GLIS1: variants seen among roughly 807,000 people sequenced by gnomAD.
GLIS1 encodes zinc finger protein GLIS1.
GLIS1 carries 24 observed loss-of-function variants against 63.8 expected under a neutral mutation model. The observed-to-expected ratio is 0.38, with a 90% CI of 0.27 to 0.53. The LOEUF is 0.53. Among genes scored for constraint, GLIS1 ranks in the 20% least tolerant of loss-of-function variants. GLIS1 has a pLI of 0.85. For missense variants in GLIS1, 1,036 were observed against 1,074.1 expected (o/e 0.96, Z 0.50); for synonymous variants, 450 against 482.5 (o/e 0.93, Z 0.88).
At chr1:53,514,392 C>T (rs79332651) in intron 8 of GLIS1, among the ~76,000 whole-genome samples, 1,815 of 152,284 alleles carry the variant, frequency 0.012, 38 homozygotes, top group African/African-American at 0.041. Context: ...GAAGAAGCTG[C>T]ATGAAGTGAG....
rs970456781 is a variant in GLIS1, at chr1:53,506,544, G to A, written c.*75C>T. The stretch of plus-strand genomic sequence containing the variant: ...GGCCTGGCACTCCTGCTAGGTGCAC[G>A]GAGGGTGGGAGCGACAGCAGGTGGG... On this transcript the variant is annotated 3_prime_UTR_variant, in exon 11 of 11. Transcript: ENST00000628545. 21 of 1,487,966 alleles carry A rather than the reference G, an allele frequency of 1.4e-5. 1 individual carries two copies. The highest frequency in any genetic ancestry group is 1.2e-4 in the South Asian group (10 of 82,928). 92.2% of individuals were successfully genotyped at this position (1,487,966 alleles called of 1,614,324 possible).
chr1:53,530,663 G>A (rs929434023), intron 4 of GLIS1, among the ~76,000 whole-genome samples: 2 of 152,176 alleles, frequency 1.3e-5, no homozygotes, highest in Non-Finnish European at 2.9e-5. Flanking sequence ...GGGTTGGCCA[G>A]ACAATTTCCA....
intron 4 of GLIS1, among the ~76,000 whole-genome samples, chr1:53,540,627 G>T (rs1644634220): frequency 6.6e-6 from 1 of 152,152 alleles, no homozygotes; most frequent in Admixed American, 6.5e-5. Flanking sequence ...GGGGTGGTGA[G>T]CAACACCTGG....
intron 4 of GLIS1, among the ~76,000 whole-genome samples, chr1:53,585,328 C>T (rs1178564776): frequency 1.3e-5 from 2 of 152,070 alleles, no homozygotes; most frequent in African/African-American, 2.4e-5. Flanking sequence ...ACAACACTCT[C>T]CCCTCCACGC....
At chr1:53,576,663 T>G (rs2950249) in intron 4 of GLIS1, among the ~76,000 whole-genome samples, 7,469 of 152,236 alleles carry the variant, frequency 0.049, 563 homozygotes, top group East Asian at 0.39. Context: ...CAGCTCCGCC[T>G]TCCTGGATTC....
rs528577342 is a variant in GLIS1, at chr1:53,738,085, G to A, written c.-21C>T. The stretch of plus-strand genomic sequence containing the variant: ...TGCATGGCGCCGGGGCGGGGCGCAC[G>A]GCTGGGGGTCGCGCCGGGCTCCTGG... On this transcript the variant is annotated 5_prime_UTR_variant, in exon 2 of 11. Coordinates refer to ENST00000628545, the MANE Select transcript of GLIS1 (RefSeq NM_001367484.1). 6.6e-4 allele frequency: 811 copies of A among 1,229,490 alleles called. 8 individuals carry two copies. Among genetic ancestry groups the A allele is most frequent in the Admixed American group, 3.4e-3 (81 of 23,638 alleles). The allele number at this position is 1,229,490 out of a possible 1,614,324, so 76.2% of individuals were successfully genotyped here. A position where few individuals can be genotyped will look rare whatever the true frequency, so the allele number is the denominator to read the frequency against.
intron 4 of GLIS1, among the ~76,000 whole-genome samples, chr1:53,540,180 C>G (rs1353072635): frequency 6.6e-6 from 1 of 152,134 alleles, no homozygotes; most frequent in African/African-American, 2.4e-5. Flanking sequence ...GACATAAGAC[C>G]CCAGCGGTGA....
intron 2 of GLIS1, among the ~76,000 whole-genome samples, chr1:53,721,369 C>A (rs1646753185): frequency 6.6e-6 from 1 of 152,144 alleles, no homozygotes; most frequent in Admixed American, 6.5e-5. Context: ...CTTCCTAGGG[C>A]TGCTGGGAGA....
chr1:53,621,668 C>T (rs940601664), intron 2 of GLIS1, among the ~76,000 whole-genome samples: 5 of 151,834 alleles, frequency 3.3e-5, no homozygotes, highest in Non-Finnish European at 7.4e-5. Context: ...TTTAGTAATA[C>T]GTTTTCATTT....
intron 4 of GLIS1, among the ~76,000 whole-genome samples, chr1:53,587,533 C>T (rs570366724): frequency 6.6e-6 from 1 of 152,254 alleles, no homozygotes; most frequent in South Asian, 2.1e-4. Flanking sequence ...CCAGAAACCC[C>T]AGCCTCCAGG....
intron 2 of GLIS1, among the ~76,000 whole-genome samples, chr1:53,733,169 T>C (rs1268823553): frequency 6.6e-6 from 1 of 152,200 alleles, no homozygotes; most frequent in Non-Finnish European, 1.5e-5. Context: ...AAGTGATTCA[T>C]TGTGCACTTA....
At position 53,538,369 on chromosome 1, in the gene GLIS1, G is replaced by A. The variant is rs184826308; in HGVS notation, c.1321-8417C>T. 3.4e-3 allele frequency among the ~76,000 whole-genome samples: 513 copies of A among 152,278 alleles called. 4 individuals carry two copies. The highest frequency in any genetic ancestry group is 0.012 in the African/African-American group (499 of 41,542). ...ACAGCAGCTATCACATTGACCATGT[G>A]CCTAGGACTGGGCCAAGCTCTCCCT... On this transcript the variant is annotated intron_variant, in intron 4 of 10. Transcript: ENST00000628545.
chr1:53,633,005 G>A (rs1225460842), intron 2 of GLIS1, among the ~76,000 whole-genome samples: 3 of 145,082 alleles, frequency 2.1e-5, no homozygotes, highest in Non-Finnish European at 3.0e-5. Flanking sequence ...GTGACTGAGG[G>A]GTGTGAATGA....
intron 2 of GLIS1, among the ~76,000 whole-genome samples, chr1:53,651,280 G>T (rs1049300839): frequency 8.5e-5 from 13 of 152,130 alleles, no homozygotes; most frequent in Admixed American, 8.5e-4. Context: ...AACAAGGTTC[G>T]CATTTTAAAA....
rs374775758 is a variant in GLIS1, at chr1:53,678,112, C to T, written c.259+59694G>A. Among the ~76,000 whole-genome samples, 5 of 152,058 alleles carry T rather than the reference C, an allele frequency of 3.3e-5. No homozygotes were observed. The South Asian group carries it at 8.3e-4, about 25-fold the overall frequency. On this transcript the variant is annotated intron_variant, in intron 2 of 10. Transcript: ENST00000628545. ...TGTGGATGGCCCGAGGTCTGTTGAT[C>T]CTGGTCTTTCTTCCCCATGCTCCTG... is the stretch of plus-strand genomic sequence containing the variant.
chr1:53,631,802 G>A (rs1025864830), intron 2 of GLIS1, among the ~76,000 whole-genome samples: 1 of 152,078 alleles, frequency 6.6e-6, no homozygotes, highest in Non-Finnish European at 1.5e-5. Flanking sequence ...TGGGTCTCGG[G>A]GGAGGGCATT....
intron 9 of GLIS1, among the ~76,000 whole-genome samples, chr1:53,509,493 C>T (rs754120456): frequency 2.0e-4 from 30 of 152,042 alleles, no homozygotes; most frequent in Non-Finnish European, 3.7e-4. Flanking sequence ...GGAGGGCAGG[C>T]GAGGGGTGGC....
At chr1:53,666,454 C>T (rs1040199460) in intron 2 of GLIS1, among the ~76,000 whole-genome samples, 1 of 152,254 alleles carries the variant, frequency 6.6e-6, no homozygotes, top group East Asian at 1.9e-4. Context: ...AGGGACCAGA[C>T]CAATCACCCT....
intron 2 of GLIS1, among the ~76,000 whole-genome samples, chr1:53,676,524 C>G (rs944875755): frequency 2.0e-5 from 3 of 152,170 alleles, no homozygotes; most frequent in Admixed American, 6.5e-5. Flanking sequence ...GTATGGGGTA[C>G]TCCCTGAGGG....
Sources: gnomAD v4.1 joint callset for allele counts (sites outside exome capture counted in the v4.1 genomes callset) on GRCh38, gnomAD v4.1.1 for gene constraint, MANE v1.5 for transcripts, NCBI Gene and HGNC (gene_info 2026-07-23, HGNC 2026-07-21) for gene names.